The following PDCD1LG2 variants were observed in gnomAD, a reference collection of about 807,000 sequenced individuals.
PDCD1LG2 encodes B7 dendritic cell molecule.
Under a neutral mutation model 28.2 loss-of-function variants are expected in PDCD1LG2, and 32 were observed. The ratio of observed to expected loss-of-function variants is 1.13; its 90% CI spans 0.86 to 1.52. The LOEUF is 1.52. Ranked by LOEUF, PDCD1LG2 falls within the 40% of genes most tolerant of loss-of-function variation. The pLI, the probability that PDCD1LG2 is intolerant of heterozygous loss-of-function variation, is 0.00. For synonymous variants in PDCD1LG2, 116 were observed against 120.2 expected (o/e 0.97, Z 0.23); for missense variants, 385 against 323.8 (o/e 1.19, Z -1.45).
intron 2 of PDCD1LG2, among the ~76,000 whole-genome samples, chr9:5,525,063 C>G (rs1430558776): frequency 1.3e-5 from 2 of 152,304 alleles, no homozygotes; most frequent in African/African-American, 4.8e-5. Flanking sequence ...AAAAATAACA[C>G]TTGGCCAGGC....
intron 5 of PDCD1LG2, among the ~76,000 whole-genome samples, chr9:5,562,355 G>C (rs1816581588): frequency 6.6e-6 from 1 of 152,186 alleles, no homozygotes; most frequent in South Asian, 2.1e-4. Context: ...GATGGAACTG[G>C]AGGTCATTAT....
chr9:5,557,102 A>G (rs1389693010), intron 4 of PDCD1LG2, among the ~76,000 whole-genome samples: 1 of 152,182 alleles, frequency 6.6e-6, no homozygotes, highest in African/African-American at 2.4e-5. Context: ...TTAACAACTA[A>G]TGGTATAGAT....
chr9:5,526,002 A>G (rs192694142), intron 2 of PDCD1LG2, among the ~76,000 whole-genome samples: 17 of 149,840 alleles, frequency 1.1e-4, no homozygotes, highest in Admixed American at 6.0e-4. Context: ...AGCCAAGATC[A>G]CGCCACTGCA....
chr9:5,559,197 A>G (rs950959324), intron 5 of PDCD1LG2, among the ~76,000 whole-genome samples: 49 of 152,270 alleles, frequency 3.2e-4, no homozygotes, highest in Admixed American at 2.8e-3. Flanking sequence ...GTGAGTGAGG[A>G]TATCAGTAGC....
chr9:5,538,901 A>G (rs561999026), intron 3 of PDCD1LG2, among the ~76,000 whole-genome samples: 2 of 152,254 alleles, frequency 1.3e-5, no homozygotes, highest in East Asian at 3.9e-4. Context: ...GTTTCAATAT[A>G]TACAATGTAT....
intron 1 of PDCD1LG2, among the ~76,000 whole-genome samples, chr9:5,514,772 G>GAAAAAAAAAAAAA (rs60002651): frequency 1.6e-5 from 1 of 62,378 alleles, no homozygotes; most frequent in African/African-American, 5.3e-5. Flanking sequence ...AGTCTCTAAA[G>GAAAAAAAAAAAAA]AAAAAAAAAA....
chr9:5,535,999 C>T (rs1820573211), intron 3 of PDCD1LG2, among the ~76,000 whole-genome samples: 3 of 152,190 alleles, frequency 2.0e-5, no homozygotes, highest in African/African-American at 7.2e-5. Flanking sequence ...GCCTCTTCCC[C>T]TCCCACGCAT....
intron 2 of PDCD1LG2, among the ~76,000 whole-genome samples, chr9:5,529,979 C>T (rs1317153116): frequency 1.3e-5 from 2 of 151,672 alleles, no homozygotes; most frequent in African/African-American, 4.8e-5. Context: ...TAAAGCACCC[C>T]CCCACCCCAC....
In PDCD1LG2 at chr9:5,542,848, A is replaced by T. The variant is rs184582470; in HGVS notation, c.362-6487A>T. ...ACTAGGTATTTACCCAAAGGAAAAG[A>T]AGTCATTATACAAAAAAAAGATACT... is the stretch of plus-strand genomic sequence containing the variant. On this transcript the variant is annotated intron_variant, in intron 3 of 6. Transcript: ENST00000397747. 1.3e-3 allele frequency among the ~76,000 whole-genome samples: 192 copies of T among 148,058 alleles called. 1 individual carries two copies. The highest frequency in any genetic ancestry group is 3.4e-3 in the Middle Eastern group (1 of 292).
intron 1 of PDCD1LG2, among the ~76,000 whole-genome samples, chr9:5,513,655 A>G (rs1820103255): frequency 6.6e-6 from 1 of 152,252 alleles, no homozygotes; most frequent in Non-Finnish European, 1.5e-5. Flanking sequence ...TAAATTGAGT[A>G]GAATAGCATC....
intron 6 of PDCD1LG2, among the ~76,000 whole-genome samples, chr9:5,568,865 A>T (rs576046715): frequency 6.6e-6 from 1 of 152,360 alleles, no homozygotes; most frequent in South Asian, 2.1e-4. Context: ...AGAGGGACAA[A>T]CAATACATGA....
chr9:5,525,165 T>C (rs1239085145), intron 2 of PDCD1LG2, among the ~76,000 whole-genome samples: 1 of 152,032 alleles, frequency 6.6e-6, no homozygotes, highest in African/African-American at 2.4e-5. Flanking sequence ...CTGGCCAACA[T>C]GGTGAAACCC....
chr9:5,539,206 T>A (rs1820642172), intron 3 of PDCD1LG2, among the ~76,000 whole-genome samples: 1 of 152,118 alleles, frequency 6.6e-6, no homozygotes, highest in African/African-American at 2.4e-5. Flanking sequence ...AAGAATCAAC[T>A]TAATAGGTGA....
intron 4 of PDCD1LG2, among the ~76,000 whole-genome samples, chr9:5,554,414 C>G (rs1022799591): frequency 6.6e-6 from 1 of 152,222 alleles, no homozygotes; most frequent in Non-Finnish European, 1.5e-5. Context: ...GCTTCTATTT[C>G]TCAAGGGCAT....
chr9:5,519,411 C>T (rs1820231948), intron 1 of PDCD1LG2, among the ~76,000 whole-genome samples: 1 of 152,180 alleles, frequency 6.6e-6, no homozygotes, highest in African/African-American at 2.4e-5. Flanking sequence ...GCAGTCCCTT[C>T]AGGGTCAGCA....
intron 5 of PDCD1LG2, 50 bp downstream of exon 5, chr9:5,557,802 T>C (rs2129923455): frequency 6.2e-7 from 1 of 1,604,030 alleles, no homozygotes; most frequent in Non-Finnish European, 8.5e-7. Context: ...GTCTGCAGCA[T>C]GAGCCACTGC....
chr9:5,562,523 G>C (rs1816584436), intron 5 of PDCD1LG2, among the ~76,000 whole-genome samples: 1 of 152,116 alleles, frequency 6.6e-6, no homozygotes, highest in South Asian at 2.1e-4. Flanking sequence ...GAATAAAAAA[G>C]CTGCATATTG....
At chr9:5,528,461 T>A (rs1820420788) in intron 2 of PDCD1LG2, among the ~76,000 whole-genome samples, 1 of 151,076 alleles carries the variant, frequency 6.6e-6, no homozygotes, top group South Asian at 2.1e-4. Flanking sequence ...CCACCATGCC[T>A]GGCTAATTTT....
At chr9:5,534,060 A>G (rs1820532801) in intron 2 of PDCD1LG2, among the ~76,000 whole-genome samples, 1 of 151,918 alleles carries the variant, frequency 6.6e-6, no homozygotes, top group Non-Finnish European at 1.5e-5. Context: ...ATCTTGGGCA[A>G]GTTACTTAAC....
Sources: allele counts gnomAD v4.1 joint callset (sites outside exome capture counted in the v4.1 genomes callset), GRCh38; gene constraint gnomAD v4.1.1; transcripts MANE v1.5; gene names NCBI Gene and HGNC (gene_info 2026-07-23, HGNC 2026-07-21).